Variants in SMAD7 observed in about 807,000 individuals in gnomAD.
SMAD7 encodes MAD (mothers against decapentaplegic, Drosophila) homolog 7.
Under a neutral mutation model 38.7 loss-of-function variants are expected in SMAD7, and 8 were observed. The observed-to-expected ratio is 0.21, with a 90% CI of 0.12 to 0.37. The LOEUF is 0.37. Among genes scored for constraint, SMAD7 ranks in the 10% least tolerant of loss-of-function variants. SMAD7 has a pLI of 1.00. For synonymous variants in SMAD7, 327 were observed against 265.1 expected (o/e 1.23, Z -2.27); for missense variants, 477 against 577.9 (o/e 0.83, Z 1.79).
intron 3 of SMAD7, among the ~76,000 whole-genome samples, chr18:48,924,055 G>T (rs542206688): frequency 6.6e-6 from 1 of 152,322 alleles, no homozygotes; most frequent in South Asian, 2.1e-4. Flanking sequence ...CATCAAGTGT[G>T]AAGCGGGGGA....
chr18:48,943,573 A>G (rs1568305022), intron 2 of SMAD7, among the ~76,000 whole-genome samples: 1 of 152,222 alleles, frequency 6.6e-6, no homozygotes, highest in Non-Finnish European at 1.5e-5. Flanking sequence ...TGGCAGCGCC[A>G]AACTCCCTGA....
At chr18:48,930,844 G>A (rs144762503) in intron 3 of SMAD7, among the ~76,000 whole-genome samples, 36 of 152,278 alleles carry the variant, frequency 2.4e-4, no homozygotes, top group African/African-American at 6.0e-4. Flanking sequence ...TGAAAGCGGC[G>A]ACTCCAGTGG....
chr18:48,942,488 C>T lies in SMAD7; in HGVS notation c.735G>A (p.Gly245=), dbSNP rs2070151960. ...TGGTNYLAPG[G]LSDSQLLLEP... is the part of the protein sequence containing the mutation. ...TAAGAGAAAGCATCTTACCTGAAAG[C>T]CCCCCAGGGGCCAGATAATTCGTTC... is the stretch of plus-strand genomic sequence containing the variant. The change falls in exon 3 of 4, where the codon GGG becomes GGA. Residue 245 remains glycine, a synonymous_variant. Transcript: ENST00000262158. 1.3e-6 allele frequency: 2 copies of T among 1,576,974 alleles called. No homozygotes were observed. Among genetic ancestry groups the T allele is most frequent in the African/African-American group, 1.4e-5 (1 of 72,798 alleles).
At position 48,950,915 on chromosome 18, in the gene SMAD7, C is replaced by CT. The variant is rs1568307815; in HGVS notation, c.-492dup. 4.0e-5 allele frequency among the ~76,000 whole-genome samples: 6 copies of CT among 151,664 alleles called. No homozygotes were observed. In the South Asian group the frequency reaches 6.2e-4, roughly 16 times the overall value. On this transcript the variant is annotated 5_prime_UTR_variant, in exon 1 of 4. Coordinates refer to ENST00000262158, the MANE Select transcript of SMAD7 (RefSeq NM_005904.4). Reference sequence around the variant, plus strand: ...GGCTGTTGGAAGAAGGAAAAAGCCTCTTTCCCCCTTGCTAAGCAACTTAAT... The same window carrying CT: ...GGCTGTTGGAAGAAGGAAAAAGCCTCTTTTCCCCCTTGCTAAGCAACTTAAT...
At chr18:48,946,325 A>T (rs2143817500) in intron 2 of SMAD7, among the ~76,000 whole-genome samples, 1 of 152,224 alleles carries the variant, frequency 6.6e-6, no homozygotes, top group South Asian at 2.1e-4. Flanking sequence ...ATTCTCCCAT[A>T]CGCAAAATGG....
intron 3 of SMAD7, among the ~76,000 whole-genome samples, chr18:48,934,757 C>G (rs879857093): frequency 6.6e-6 from 1 of 151,450 alleles, no homozygotes; most frequent in African/African-American, 2.4e-5. Context: ...TACATGTTCT[C>G]GTGGGAGTGG....
intron 3 of SMAD7, among the ~76,000 whole-genome samples, chr18:48,924,797 C>T (rs915367849): frequency 6.6e-6 from 1 of 152,144 alleles, no homozygotes; most frequent in African/African-American, 2.4e-5. Flanking sequence ...TAAGCACACA[C>T]AAAAAACAAG....
chr18:48,934,145 C>T (rs1423809441), intron 3 of SMAD7, among the ~76,000 whole-genome samples: 2 of 152,178 alleles, frequency 1.3e-5, no homozygotes, highest in African/African-American at 4.8e-5. Context: ...TGATAAGCCC[C>T]CTCTCTGGGA....
chr18:48,938,928 C>A (rs1422275319), intron 3 of SMAD7, among the ~76,000 whole-genome samples: 2 of 152,166 alleles, frequency 1.3e-5, no homozygotes, highest in Non-Finnish European at 2.9e-5. Context: ...TTTCAAAAGA[C>A]ACCCATCCCA....
At position 48,949,973 on chromosome 18, in the gene SMAD7, G is replaced by A. The variant is rs768617724; in HGVS notation, c.452C>T (p.Ser151Leu). 33 of 1,601,900 alleles carry A rather than the reference G, an allele frequency of 2.1e-5. No individual in the cohort carries two copies. Among genetic ancestry groups the A allele is most frequent in the Non-Finnish European group, 2.0e-5 (24 of 1,174,970 alleles). The part of the protein sequence containing the change: ...PAGAQPAQPP[S>L]SYSLPLLLCK... Reference sequence around the variant, plus strand: ...CAGCAGGAGGGGGAGCGAGTAGGACGAGGGCGGCTGCGCAGGCTGCGCGCC... The same window carrying A: ...CAGCAGGAGGGGGAGCGAGTAGGACAAGGGCGGCTGCGCAGGCTGCGCGCC... Residue 151 changes from serine to leucine, a missense_variant, in exon 1 of 4, where the codon TCG (serine) becomes TTG (leucine). Around this residue, in one of 2 missense-constraint regions of SMAD7, gnomAD observed 376 missense variants for 379.4 expected, o/e 0.99. Coordinates refer to ENST00000262158, the MANE Select transcript of SMAD7 (RefSeq NM_005904.4).
intron 2 of SMAD7, among the ~76,000 whole-genome samples, chr18:48,944,648 T>C (rs2070176880): frequency 6.6e-6 from 1 of 152,176 alleles, no homozygotes; most frequent in African/African-American, 2.4e-5. Context: ...AGGCAGGCTA[T>C]GGAGTCCCTA....
chr18:48,922,911 A>C lies in SMAD7; in HGVS notation c.743-1001T>G, dbSNP rs113533928. Reference sequence around the variant, plus strand: ...CCTGGGGGCCGGGGTGATTCTGGTAAGGTAATTTTCCTCAACAGGCACTTG... The same window carrying C: ...CCTGGGGGCCGGGGTGATTCTGGTACGGTAATTTTCCTCAACAGGCACTTG... On this transcript the variant is annotated intron_variant, in intron 3 of 3. Coordinates refer to ENST00000262158, the MANE Select transcript of SMAD7 (RefSeq NM_005904.4). Among the ~76,000 whole-genome samples the C allele has an allele frequency of 2.1e-3, 327 of 152,170 alleles. 3 individuals carry two copies. Among genetic ancestry groups the C allele is most frequent in the African/African-American group, 7.3e-3 (305 of 41,544 alleles).
intron 3 of SMAD7, among the ~76,000 whole-genome samples, chr18:48,934,859 CA>C (rs532229517): frequency 2.0e-5 from 3 of 150,130 alleles, no homozygotes; most frequent in Non-Finnish European, 4.4e-5. Flanking sequence ...GAGTTATTCT[CA>C]AAAAAAAAGA....
chr18:48,929,575 A>ACACACACACACACACACACT (rs2069971552), intron 3 of SMAD7, among the ~76,000 whole-genome samples: 1 of 114,046 alleles, frequency 8.8e-6, no homozygotes, highest in African/African-American at 3.8e-5. Flanking sequence ...TCTCTCACTC[A>ACACACACACACACACACACT]CACACACACA....
intron 1 of SMAD7, 104 bp downstream of exon 1, chr18:48,949,708 A>G: frequency 1.6e-6 from 2 of 1,288,964 alleles, no homozygotes; most frequent in Non-Finnish European, 2.1e-6. Context: ...GAGGGTATGC[A>G]CACTCCCCCT....
At chr18:48,939,659 C>T (rs1334115337) in intron 3 of SMAD7, among the ~76,000 whole-genome samples, 7 of 151,846 alleles carry the variant, frequency 4.6e-5, no homozygotes, top group Admixed American at 3.3e-4. Context: ...CTCCTGCTGC[C>T]GACCTTCCTC....
intron 1 of SMAD7, among the ~76,000 whole-genome samples, chr18:48,949,503 G>A (rs997779345): frequency 1.3e-5 from 2 of 151,964 alleles, no homozygotes; most frequent in Admixed American, 6.5e-5. Flanking sequence ...CGGAAATGAA[G>A]GCGTCTAATT....
intron 3 of SMAD7, among the ~76,000 whole-genome samples, chr18:48,929,711 G>T (rs1568299679): frequency 6.6e-6 from 1 of 151,934 alleles, no homozygotes. Flanking sequence ...TGCAGGTGGT[G>T]GGGGGGCTCT....
Position 48,937,426 on chromosome 18 carries a change from G to T in SMAD7, c.742+5055C>A, listed in dbSNP as rs143774757. On this transcript the variant is annotated intron_variant, in intron 3 of 3. Coordinates refer to ENST00000262158, the MANE Select transcript of SMAD7 (RefSeq NM_005904.4). ...AGTTCAGCCTGGGGACAGGATGCGT[G>T]AGGCGGCAGCAGACCATCTTGTCTG... Among the ~76,000 whole-genome samples the T allele has an allele frequency of 7.0e-3, 1,073 of 152,276 alleles. 9 individuals are homozygous for T. The highest frequency in any genetic ancestry group is 0.024 in the African/African-American group (993 of 41,556).
Sources: gnomAD v4.1 joint callset for allele counts (sites outside exome capture counted in the v4.1 genomes callset) on GRCh38, gnomAD v4.1.1 for gene constraint, gnomAD v4.1.1 regional missense constraint, MANE v1.5 for transcripts, NCBI Gene and HGNC (gene_info 2026-07-23, HGNC 2026-07-21) for gene names.